PAX5: variants seen among roughly 807,000 people sequenced by gnomAD.
The protein encoded by PAX5 is paired box protein Pax-5.
A neutral mutation model predicts 43.7 loss-of-function variants in PAX5; 9 were observed. That is an observed-to-expected ratio of 0.21 (90% CI 0.12 to 0.36). PAX5 has a LOEUF of 0.36. Ranked by LOEUF, PAX5 falls within the 10% of genes least tolerant of loss-of-function variation. The probability of loss-of-function intolerance (pLI) is 1.00; values close to 1 mark genes in which losing one functional copy is unlikely to be tolerated. For synonymous variants in PAX5, 228 were observed against 214.3 expected (o/e 1.06, Z -0.56); for missense variants, 383 against 532.7 (o/e 0.72, Z 2.77).
At chr9:36,937,972 TC>T (rs1445607294) in intron 6 of PAX5, among the ~76,000 whole-genome samples, 1 of 152,196 alleles carries the variant, frequency 6.6e-6, no homozygotes, top group Non-Finnish European at 1.5e-5. Context: ...GTTCAAGTCC[TC>T]TCTGTTCTTT....
chr9:37,010,206 G>A (rs1200899208), intron 3 of PAX5, among the ~76,000 whole-genome samples: 1 of 152,146 alleles, frequency 6.6e-6, no homozygotes, highest in Non-Finnish European at 1.5e-5. Context: ...GGGCTGAGTT[G>A]GCAGTCACAC....
At chr9:36,874,235 G>A (rs1825727750) in intron 8 of PAX5, among the ~76,000 whole-genome samples, 1 of 152,174 alleles carries the variant, frequency 6.6e-6, no homozygotes, top group Non-Finnish European at 1.5e-5. Flanking sequence ...TGGTCACACT[G>A]CTAATAATGG....
chr9:36,893,714 C>T (rs940477674), intron 7 of PAX5, among the ~76,000 whole-genome samples: 1 of 152,184 alleles, frequency 6.6e-6, no homozygotes, highest in African/African-American at 2.4e-5. Context: ...TATAATCAGA[C>T]ATAAGAAGCC....
At chr9:36,933,649 C>T (rs537330862) in intron 6 of PAX5, among the ~76,000 whole-genome samples, 7 of 152,374 alleles carry the variant, frequency 4.6e-5, no homozygotes, top group African/African-American at 1.7e-4. Context: ...CCTGGCCACA[C>T]ACCCACTATC....
At chr9:37,002,548 G>A (rs1450827809) in intron 5 of PAX5, 100 bp downstream of exon 5, 1 of 1,297,704 alleles carries the variant, frequency 7.7e-7, no homozygotes, top group Non-Finnish European at 1.1e-6. Flanking sequence ...CTGCAGGTAA[G>A]GGGGGTGTTC....
At chr9:36,848,074 C>T (rs1247927542) in intron 8 of PAX5, among the ~76,000 whole-genome samples, 3 of 152,148 alleles carry the variant, frequency 2.0e-5, no homozygotes, top group Non-Finnish European at 4.4e-5. Context: ...ACAGGAGTTA[C>T]ATAGCCCCAT....
intron 5 of PAX5, among the ~76,000 whole-genome samples, chr9:36,999,786 C>A (rs968937743): frequency 6.6e-6 from 1 of 152,136 alleles, no homozygotes; most frequent in South Asian, 2.1e-4. Flanking sequence ...TCCCTGTTTC[C>A]CCAGTGGCTG....
At chr9:36,885,766 A>AG (rs1415429051) in intron 7 of PAX5, among the ~76,000 whole-genome samples, 1 of 152,202 alleles carries the variant, frequency 6.6e-6, no homozygotes, top group Non-Finnish European at 1.5e-5. Flanking sequence ...ACAGTGTGGA[A>AG]GGTAATTCTT....
At chr9:36,842,697 T>G (rs1822172474) in intron 9 of PAX5, among the ~76,000 whole-genome samples, 1 of 152,184 alleles carries the variant, frequency 6.6e-6, no homozygotes, top group African/African-American at 2.4e-5. Context: ...CGGTTCTGCT[T>G]TCTCTCTAAT....
chr9:36,924,771 G>A (rs1036285788), intron 6 of PAX5, among the ~76,000 whole-genome samples: 103 of 116,800 alleles, frequency 8.8e-4, no homozygotes, highest in African/African-American at 3.1e-3. Flanking sequence ...AAGGAAGGAA[G>A]GAAGGAAGGA....
At chr9:36,962,760 A>G (rs1459976611) in intron 6 of PAX5, among the ~76,000 whole-genome samples, 1 of 152,194 alleles carries the variant, frequency 6.6e-6, no homozygotes, top group Non-Finnish European at 1.5e-5. Context: ...CAAGCTGCTC[A>G]GCGAAAGTGA....
intron 8 of PAX5, among the ~76,000 whole-genome samples, chr9:36,873,518 C>T (rs1825665992): frequency 6.6e-6 from 1 of 152,238 alleles, no homozygotes; most frequent in Non-Finnish European, 1.5e-5. Context: ...CCCCAGAGGC[C>T]AGGGCCAGGT....
chr9:36,945,422 TG>T (rs780157247), intron 6 of PAX5, among the ~76,000 whole-genome samples: 5 of 152,124 alleles, frequency 3.3e-5, no homozygotes, highest in Non-Finnish European at 5.9e-5. Context: ...TTCAATTTTT[TG>T]TAGGGATGAG....
intron 5 of PAX5, among the ~76,000 whole-genome samples, chr9:36,985,160 G>A (rs1374329019): frequency 1.3e-5 from 2 of 152,218 alleles, no homozygotes; most frequent in East Asian, 3.9e-4. Flanking sequence ...TCAAATGGGG[G>A]GTGGGGTGGT....
chr9:36,842,109 A>G (rs879918483), intron 9 of PAX5, among the ~76,000 whole-genome samples: 6 of 152,120 alleles, frequency 3.9e-5, no homozygotes, highest in African/African-American at 1.4e-4. Context: ...CAGCACAAAC[A>G]CCAACCCCGT....
chr9:37,002,844 C>T (rs944505595), intron 4 of PAX5, 68 bp from the exon 5 acceptor site: 4 of 1,491,228 alleles, frequency 2.7e-6, no homozygotes, highest in Admixed American at 2.0e-5. Context: ...TGTCACCGCA[C>T]GTGAGGCTGG....
chr9:36,953,666 C>A (rs1253860468), intron 6 of PAX5, among the ~76,000 whole-genome samples: 2 of 152,062 alleles, frequency 1.3e-5, no homozygotes, highest in Non-Finnish European at 2.9e-5. Context: ...TTTTATTTTT[C>A]TTTTGATTCT....
At chr9:36,872,766 C>T (rs1392928801) in intron 8 of PAX5, among the ~76,000 whole-genome samples, 3 of 152,172 alleles carry the variant, frequency 2.0e-5, no homozygotes, top group Non-Finnish European at 4.4e-5. Flanking sequence ...ACCCCTCGTC[C>T]CCCCACCCTA....
At chr9:36,919,290 C>T (rs1829952640) in intron 7 of PAX5, among the ~76,000 whole-genome samples, 1 of 152,104 alleles carries the variant, frequency 6.6e-6, no homozygotes, top group Admixed American at 6.5e-5. Flanking sequence ...AATATTACTG[C>T]TTATTGACAA....
Sources: allele counts gnomAD v4.1 joint callset (sites outside exome capture counted in the v4.1 genomes callset), GRCh38; gene constraint gnomAD v4.1.1; transcripts MANE v1.5; gene names NCBI Gene and HGNC (gene_info 2026-07-23, HGNC 2026-07-21).